PDZD2: variants seen among roughly 807,000 people sequenced by gnomAD.
PDZD2 encodes PDZ domain-containing protein 2.
Under a neutral mutation model 220.7 loss-of-function variants are expected in PDZD2, and 90 were observed. The observed-to-expected ratio is 0.41, with a 90% CI of 0.34 to 0.49. PDZD2 has a LOEUF of 0.49. PDZD2 is among the 20% of genes least tolerant of loss of function. The pLI is 0.28. For synonymous variants in PDZD2, 1,375 were observed against 1,450.5 expected (o/e 0.95, Z 1.18); for missense variants, 3,174 against 3,608.5 (o/e 0.88, Z 3.08).
At chr5:32,011,365 G>A (rs1753307928) in intron 6 of PDZD2, among the ~76,000 whole-genome samples, 1 of 151,880 alleles carries the variant, frequency 6.6e-6, no homozygotes, top group Admixed American at 6.6e-5. Flanking sequence ...CAGGTGTGGT[G>A]GGGCATGCCT....
chr5:31,907,886 C>G (rs565266896), intron 2 of PDZD2, among the ~76,000 whole-genome samples: 2 of 151,972 alleles, frequency 1.3e-5, no homozygotes, highest in South Asian at 2.1e-4. Context: ...AGTTCGAGAC[C>G]AGCCTGGCCA....
chr5:32,021,725 C>G (rs2063987470), intron 6 of PDZD2, among the ~76,000 whole-genome samples: 1 of 152,190 alleles, frequency 6.6e-6, no homozygotes, highest in Admixed American at 6.5e-5. Flanking sequence ...TGTTAATGGG[C>G]AGGTGTTTTC....
At chr5:31,642,281 C>A (rs1000093684) in intron 1 of PDZD2, among the ~76,000 whole-genome samples, 5 of 152,168 alleles carry the variant, frequency 3.3e-5, no homozygotes, top group African/African-American at 1.2e-4. Flanking sequence ...CACATCCCCG[C>A]AGCACCAGGG....
chr5:31,948,016 T>A (rs963286690), intron 2 of PDZD2, among the ~76,000 whole-genome samples: 2 of 152,124 alleles, frequency 1.3e-5, no homozygotes, highest in Non-Finnish European at 2.9e-5. Context: ...CTCCAGAGAT[T>A]TTACATGTCT....
chr5:31,900,233 C>T (rs1481168084), intron 2 of PDZD2, among the ~76,000 whole-genome samples: 1 of 152,182 alleles, frequency 6.6e-6, no homozygotes, highest in African/African-American at 2.4e-5. Context: ...GTAGGTAGCG[C>T]TGTGTACCAG....
intron 1 of PDZD2, among the ~76,000 whole-genome samples, chr5:31,784,162 C>T (rs1271486103): frequency 6.6e-6 from 1 of 152,196 alleles, no homozygotes; most frequent in Non-Finnish European, 1.5e-5. Context: ...TCCTCACCTC[C>T]TGCAGGCATT....
intron 19 of PDZD2, among the ~76,000 whole-genome samples, chr5:32,085,939 T>A (rs886602210): frequency 2.0e-5 from 3 of 152,084 alleles, no homozygotes; most frequent in African/African-American, 7.2e-5. Flanking sequence ...TTGGGTAGTA[T>A]GGACATTTTA....
intron 1 of PDZD2, among the ~76,000 whole-genome samples, chr5:31,656,759 T>C (rs971160870): frequency 3.3e-5 from 5 of 152,218 alleles, no homozygotes; most frequent in Non-Finnish European, 5.9e-5. Flanking sequence ...TCTTTTGGCT[T>C]TGTTTTCTAA....
chr5:32,000,063 C>CT lies in PDZD2; in HGVS notation c.1122-75dup. 7.3e-7 allele frequency: 1 copy of CT among 1,371,202 alleles called. No individual in the cohort carries two copies. The allele number at this position is 1,371,202 out of a possible 1,614,324, so 84.9% of individuals were successfully genotyped here. On this transcript the variant is annotated intron_variant, in intron 4 of 24. Transcript: ENST00000438447. The surrounding 1 kb of genome is among the most constrained non-coding windows in gnomAD (Gnocchi z 4.5). The stretch of plus-strand genomic sequence containing the variant: ...TAACCGTCCCTCCTCACAACCCTCC[C>CT]TAGCTCCAGAAAATGGCCCTTCTCA...
chr5:32,042,359 C>G (rs1756259845), intron 7 of PDZD2, among the ~76,000 whole-genome samples: 1 of 148,832 alleles, frequency 6.7e-6, no homozygotes, highest in South Asian at 2.1e-4. Flanking sequence ...GTCAGGAGTT[C>G]GAGACGAGCC....
chr5:31,895,859 C>G (rs1381226310), intron 2 of PDZD2, among the ~76,000 whole-genome samples: 1 of 152,136 alleles, frequency 6.6e-6, no homozygotes, highest in Non-Finnish European at 1.5e-5. Flanking sequence ...TCTGTCCTTT[C>G]TTCATGGCTG....
At chr5:31,990,648 A>G (rs62360599) in intron 3 of PDZD2, among the ~76,000 whole-genome samples, 33,977 of 152,144 alleles carry the variant, frequency 0.22, 4,030 homozygotes, top group Non-Finnish European at 0.26. Context: ...TAAACATTCT[A>G]TATTTGTTCA....
At chr5:32,023,905 G>A (rs773052995) in intron 6 of PDZD2, among the ~76,000 whole-genome samples, 4 of 152,236 alleles carry the variant, frequency 2.6e-5, no homozygotes, top group Non-Finnish European at 5.9e-5. Context: ...CCATTCTGAC[G>A]AGAGTGGTGA....
chr5:32,074,810 CTT>C (rs33999865), intron 18 of PDZD2, among the ~76,000 whole-genome samples, 167 bp downstream of exon 18: 14,538 of 145,224 alleles, frequency 0.1, 927 homozygotes, highest in South Asian at 0.34. Flanking sequence ...GCTTGGAAGC[CTT>C]TTTTTTTTTT....
intron 1 of PDZD2, chr5:31,725,930 G>A: frequency 1.5e-6 from 1 of 671,690 alleles, no homozygotes; most frequent in Non-Finnish European, 2.7e-6. Context: ...CAGCTGCCTG[G>A]GTCTCCACTC....
intron 3 of PDZD2, among the ~76,000 whole-genome samples, chr5:31,988,053 C>T (rs529060640): frequency 1.1e-4 from 17 of 152,332 alleles, no homozygotes; most frequent in East Asian, 5.8e-4. Flanking sequence ...CTCCCCTACC[C>T]GGGACATCGC....
At chr5:31,866,933 C>T (rs1002916926) in intron 2 of PDZD2, among the ~76,000 whole-genome samples, 5 of 152,188 alleles carry the variant, frequency 3.3e-5, no homozygotes, top group African/African-American at 1.2e-4. Flanking sequence ...GAAGGGATCT[C>T]AGAGCATGTC....
In PDZD2 at chr5:32,088,440, G is replaced by A. The variant is rs755375874; in HGVS notation, c.4992G>A (p.Gln1664=). ...GSYTSGPDSS[Q]PSSLLEMSSQ... is the part of the protein sequence containing the mutation. ...ACACTTCAGGCCCAGACTCTTCCCA[G>A]CCATCATCACTCTTGGAGATGAGCT... The change falls in exon 20 of 25, where the codon CAG becomes CAA. Residue 1664 remains glutamine (Q), a synonymous_variant. Transcript: ENST00000438447. This position sits in a 1 kb window ranked among gnomAD's most constrained non-coding sequence, Gnocchi z 4.6. 3.7e-6 allele frequency: 6 copies of A among 1,614,054 alleles called. No individual in the cohort carries two copies. The highest frequency in any genetic ancestry group is 5.1e-6 in the Non-Finnish European group (6 of 1,180,006).
At chr5:32,024,690 AAAAG>A (rs1561378161) in intron 6 of PDZD2, among the ~76,000 whole-genome samples, 4 of 105,086 alleles carry the variant, frequency 3.8e-5, no homozygotes, top group African/African-American at 1.2e-4. Flanking sequence ...CTCAAAAAAA[AAAAG>A]AAAGAAAAAA....
Sources: allele counts gnomAD v4.1 joint callset (sites outside exome capture counted in the v4.1 genomes callset), GRCh38; gene constraint gnomAD v4.1.1; non-coding constraint Gnocchi (gnomAD v3.1); transcripts MANE v1.5; gene names NCBI Gene and HGNC (gene_info 2026-07-23, HGNC 2026-07-21).